Variants in QRICH1 observed in about 807,000 individuals in gnomAD.
QRICH1 encodes glutamine rich 1, also known as transcriptional regulator QRICH1.
QRICH1 carries 16 observed loss-of-function variants against 87.1 expected under a neutral mutation model. The observed-to-expected ratio is 0.18, with a 90% CI of 0.12 to 0.28. The LOEUF is 0.28. Among genes scored for constraint, QRICH1 ranks in the 10% least tolerant of loss-of-function variants. QRICH1 has a pLI of 1.00. For missense variants in QRICH1, 647 were observed against 951.7 expected, an observed-to-expected ratio of 0.68 and a Z score of 4.21; for synonymous variants, 367 against 368.4, an observed-to-expected ratio of 1.00 and a Z score of 0.05.
chr3:49,035,184 C>T (rs1357014359), intron 6 of QRICH1, among the ~76,000 whole-genome samples: 1 of 152,154 alleles, frequency 6.6e-6, no homozygotes, highest in African/African-American at 2.4e-5. Context: ...AATCCTCTCA[C>T]CTCAGCCTCC....
intron 3 of QRICH1, among the ~76,000 whole-genome samples, chr3:49,048,668 G>C (rs2093352634): frequency 6.7e-6 from 1 of 150,190 alleles, no homozygotes; most frequent in African/African-American, 2.4e-5. Flanking sequence ...GGCGCCTGTA[G>C]TCCCAGCTAC....
At position 49,053,486 on chromosome 3, in the gene QRICH1, CA is replaced by C. The variant is rs11417565; in HGVS notation, c.1338+3375del. On this transcript the variant is annotated intron_variant, in intron 3 of 9. Transcript: ENST00000395443. ...GGTGACAGAATGAGACCCCCTGTCT[CA>C]AAAAAAAAAAAAAAAAAACAAGTCT... Among the ~76,000 whole-genome samples, 400 of 112,880 alleles carry C rather than the reference CA, an allele frequency of 3.5e-3. 1 individual carries two copies. Among genetic ancestry groups the C allele is most frequent in the African/African-American group, 0.011 (343 of 29,882 alleles). 74.1% of individuals were successfully genotyped at this position (112,880 alleles called of 152,430 possible). A position where few individuals can be genotyped will look rare whatever the true frequency, so the allele number is the denominator to read the frequency against.
chr3:49,056,770 A>G, intron 3 of QRICH1, 92 bp downstream of exon 3: 12 of 1,571,066 alleles, frequency 7.6e-6, no homozygotes, highest in Non-Finnish European at 1.0e-5. Flanking sequence ...GAGTAACAGC[A>G]GTAAATAAGC....
chr3:49,085,717 C>T (rs1253883156), intron 1 of QRICH1, among the ~76,000 whole-genome samples: 1 of 150,598 alleles, frequency 6.6e-6, no homozygotes, highest in African/African-American at 2.4e-5. Context: ...AAGACCATGC[C>T]ACTGCACTCC....
chr3:49,032,101 G>A, intron 9 of QRICH1, 82 bp downstream of exon 9: 3 of 1,154,176 alleles, frequency 2.6e-6, no homozygotes, highest in Non-Finnish European at 3.9e-6. Flanking sequence ...TCTCCCCTAT[G>A]ATAAGTGATC....
intron 2 of QRICH1, among the ~76,000 whole-genome samples, chr3:49,071,089 G>C (rs1178571145): frequency 4.0e-5 from 6 of 149,480 alleles, no homozygotes; most frequent in Non-Finnish European, 7.4e-5. Flanking sequence ...TTTTGAGACA[G>C]ACTCTTGCTC....
intron 3 of QRICH1, among the ~76,000 whole-genome samples, chr3:49,048,130 CTT>C (rs34861445): frequency 2.7e-3 from 390 of 142,002 alleles, no homozygotes; most frequent in African/African-American, 4.7e-3. Context: ...TTCTTTCTTT[CTT>C]TTTTTTTTTT....
chr3:49,077,018 A>C lies in QRICH1; in HGVS notation c.-1T>G. Reference sequence around the variant, plus strand: ...TGGTGTTCTCTAGGGAATTATTCATATTGCAGAGTCCTTAGGGTTCCTAGA... The same window carrying C: ...TGGTGTTCTCTAGGGAATTATTCATCTTGCAGAGTCCTTAGGGTTCCTAGA... On this transcript the variant is annotated 5_prime_UTR_variant, in exon 2 of 10. Transcript: ENST00000395443. 1 of 1,457,692 alleles carries C rather than the reference A, an allele frequency of 6.9e-7. No individual in the cohort carries two copies. The highest frequency in any genetic ancestry group is 9.2e-7 in the Non-Finnish European group (1 of 1,090,420). The allele number at this position is 1,457,692 out of a possible 1,614,324, so 90.3% of individuals were successfully genotyped here.
At chr3:49,032,091 T>C in intron 9 of QRICH1, 92 bp downstream of exon 9, 2 of 1,061,632 alleles carry the variant, frequency 1.9e-6, no homozygotes, top group South Asian at 1.4e-5. Flanking sequence ...AGAGAATGCC[T>C]CTCCCCTATG....
In QRICH1 at chr3:49,062,638, T is replaced by C. The variant is rs60226309; in HGVS notation, c.310-4748A>G. Reference sequence around the variant, plus strand: ...GGCCTCCCAAAGTGCTGGGATTACATGTGTGAGCCAGTGTGCCTGAATTAT... The same window carrying C: ...GGCCTCCCAAAGTGCTGGGATTACACGTGTGAGCCAGTGTGCCTGAATTAT... On this transcript the variant is annotated intron_variant, in intron 2 of 9. Coordinates refer to ENST00000395443, the MANE Select transcript of QRICH1 (RefSeq NM_198880.3). 2.3e-4 allele frequency among the ~76,000 whole-genome samples: 35 copies of C among 150,276 alleles called. No individual in the cohort carries two copies. In the East Asian group the frequency reaches 6.7e-3, roughly 29 times the overall value.
intron 1 of QRICH1, among the ~76,000 whole-genome samples, chr3:49,083,988 G>A (rs1401118097): frequency 2.0e-5 from 3 of 151,924 alleles, no homozygotes; most frequent in Non-Finnish European, 4.4e-5. Context: ...TTTTAGTAGA[G>A]GCAGGGTTTC....
At chr3:49,085,598 T>C (rs1397724704) in intron 1 of QRICH1, among the ~76,000 whole-genome samples, 1 of 150,918 alleles carries the variant, frequency 6.6e-6, no homozygotes, top group Non-Finnish European at 1.5e-5. Context: ...CTACTAAAAA[T>C]ACAAAAAAAA....
chr3:49,059,252 A>T (rs1310741276), intron 2 of QRICH1, among the ~76,000 whole-genome samples: 1 of 151,810 alleles, frequency 6.6e-6, no homozygotes, highest in Non-Finnish European at 1.5e-5. Context: ...GGCGTGAGCC[A>T]TCACAAGGGA....
At chr3:49,065,218 C>G (rs2093460778) in intron 2 of QRICH1, among the ~76,000 whole-genome samples, 2 of 151,340 alleles carry the variant, frequency 1.3e-5, no homozygotes, top group Admixed American at 1.3e-4. Flanking sequence ...TCACTCAGCT[C>G]AATGCAACCT....
intron 1 of QRICH1, among the ~76,000 whole-genome samples, chr3:49,085,598 T>A (rs1397724704): frequency 6.6e-6 from 1 of 150,918 alleles, no homozygotes; most frequent in Non-Finnish European, 1.5e-5. Flanking sequence ...CTACTAAAAA[T>A]ACAAAAAAAA....
At chr3:49,051,189 C>A (rs747212366) in intron 3 of QRICH1, among the ~76,000 whole-genome samples, 1 of 152,164 alleles carries the variant, frequency 6.6e-6, no homozygotes, top group African/African-American at 2.4e-5. Flanking sequence ...TAGCTGCTGC[C>A]ACCACTACCA....
Position 49,030,087 on chromosome 3 carries a change from T to G in QRICH1, c.*365A>C. The G allele has an allele frequency of 2.9e-6, 1 of 342,600 alleles. No homozygotes were observed. 21.2% of individuals were successfully genotyped at this position (342,600 alleles called of 1,614,324 possible). The stretch of plus-strand genomic sequence containing the variant: ...GCCCAGTGGAAGTCGGCTGGGGAGA[T>G]TCCCTCCAGGGTCCATCCATCATTA... On this transcript the variant is annotated 3_prime_UTR_variant, in exon 10 of 10. Transcript: ENST00000395443.
intron 1 of QRICH1, among the ~76,000 whole-genome samples, chr3:49,090,338 A>C (rs2107057244): frequency 6.6e-6 from 1 of 152,322 alleles, no homozygotes; most frequent in South Asian, 2.1e-4. Flanking sequence ...AGGCACCTGC[A>C]GTCCCAGCTA....
intron 1 of QRICH1, among the ~76,000 whole-genome samples, chr3:49,083,777 A>T (rs2042117182): frequency 6.6e-6 from 1 of 151,650 alleles, no homozygotes; most frequent in Non-Finnish European, 1.5e-5. Context: ...CAAAAAAAAA[A>T]AATTAGCCAG....
Sources: gnomAD v4.1 joint callset for allele counts (sites outside exome capture counted in the v4.1 genomes callset) on GRCh38, gnomAD v4.1.1 for gene constraint, MANE v1.5 for transcripts, NCBI Gene and HGNC (gene_info 2026-07-23, HGNC 2026-07-21) for gene names.